Variants in CLSTN2 observed in about 807,000 individuals in gnomAD.
CLSTN2 encodes calsyntenin-2.
In CLSTN2, 48 loss-of-function variants were observed where a neutral mutation model predicts 101.2. The observed-to-expected ratio is 0.47, with a 90% CI of 0.38 to 0.60. CLSTN2 has a LOEUF of 0.60. Ranked by LOEUF, CLSTN2 falls within the 20% of genes least tolerant of loss-of-function variation. The pLI is 0.00. For synonymous variants in CLSTN2, 481 were observed against 463.6 expected, an observed-to-expected ratio of 1.04 and a Z score of -0.48; for missense variants, 1,160 against 1,238.2, an observed-to-expected ratio of 0.94 and a Z score of 0.95.
intron 1 of CLSTN2, among the ~76,000 whole-genome samples, chr3:140,129,878 T>C (rs1236774247): frequency 1.3e-5 from 2 of 152,164 alleles, no homozygotes; most frequent in Non-Finnish European, 2.9e-5. Context: ...CCTTGTCACA[T>C]GTCGGAAGAC....
intron 5 of CLSTN2, among the ~76,000 whole-genome samples, chr3:140,427,676 G>A (rs1420542643): frequency 6.6e-6 from 1 of 152,056 alleles, no homozygotes; most frequent in Non-Finnish European, 1.5e-5. Context: ...CCTCTAAACG[G>A]GCTGCTAGAT....
intron 1 of CLSTN2, among the ~76,000 whole-genome samples, chr3:140,106,976 G>A (rs114382725): frequency 0.027 from 4,125 of 152,282 alleles, 178 homozygotes; most frequent in African/African-American, 0.091. Flanking sequence ...CATTTAATTA[G>A]TGACATGACA....
intron 1 of CLSTN2, among the ~76,000 whole-genome samples, chr3:140,077,083 CAAATTCTCTCAATG>C (rs2008504930): frequency 6.6e-6 from 1 of 152,102 alleles, no homozygotes; most frequent in African/African-American, 2.4e-5. Context: ...TGAAGAAGGC[CAAATTCTCTCAATG>C]AAATGGAAAG....
intron 2 of CLSTN2, among the ~76,000 whole-genome samples, chr3:140,217,104 T>C (rs568836209): frequency 2.0e-5 from 3 of 152,260 alleles, no homozygotes; most frequent in Admixed American, 6.5e-5. Flanking sequence ...TTTTTTTAAC[T>C]CCCACATTCT....
At chr3:140,558,945 A>G in intron 12 of CLSTN2, 88 bp downstream of exon 12, 1 of 1,008,062 alleles carries the variant, frequency 9.9e-7, no homozygotes, top group Non-Finnish European at 1.5e-6. Flanking sequence ...AGCATTGTTC[A>G]TGTAATGTAT....
At position 140,071,374 on chromosome 3, in the gene CLSTN2, T is replaced by C. The variant is rs556075776; in HGVS notation, c.110-104577T>C. ...AAAAAAAAATCCTGTTCAATACCTT[T>C]ACTTTAGAGAAGCCAACAGAGACAT... On this transcript the variant is annotated intron_variant, in intron 1 of 16. Transcript: ENST00000458420. Among the ~76,000 whole-genome samples the C allele has an allele frequency of 3.9e-5, 6 of 152,288 alleles. No individual in the cohort carries two copies. The East Asian group carries it at 7.7e-4, about 20-fold the overall frequency.
intron 1 of CLSTN2, among the ~76,000 whole-genome samples, chr3:140,145,095 A>G (rs2009761541): frequency 6.6e-6 from 1 of 152,240 alleles, no homozygotes; most frequent in East Asian, 1.9e-4. Context: ...AAATCAGAGG[A>G]CATGTCTTAA....
At chr3:140,410,771 T>C (rs919791930) in intron 4 of CLSTN2, among the ~76,000 whole-genome samples, 1 of 152,162 alleles carries the variant, frequency 6.6e-6, no homozygotes, top group African/African-American at 2.4e-5. Flanking sequence ...ATGTACAATA[T>C]AAAAACATAA....
intron 1 of CLSTN2, among the ~76,000 whole-genome samples, chr3:140,040,908 T>C (rs747981279): frequency 3.3e-5 from 5 of 152,122 alleles, no homozygotes; most frequent in African/African-American, 1.2e-4. Context: ...CTGTCATTTC[T>C]GGCATGATGG....
Position 140,351,583 on chromosome 3 carries a change from G to A in CLSTN2, c.233-52046G>A, listed in dbSNP as rs1473638249. 5.3e-5 allele frequency among the ~76,000 whole-genome samples: 8 copies of A among 152,166 alleles called. No individual in the cohort carries two copies. The South Asian group carries it at 1.2e-3, about 24-fold the overall frequency. ...GTAGTAAATGTTTTAAACTCTGTGG[G>A]CCAAAAGGTCTCTATCACAACTACT... is the stretch of plus-strand genomic sequence containing the variant. On this transcript the variant is annotated intron_variant, in intron 2 of 16. Transcript: ENST00000458420.
intron 2 of CLSTN2, among the ~76,000 whole-genome samples, chr3:140,248,222 T>A (rs2086532647): frequency 1.3e-5 from 2 of 152,228 alleles, no homozygotes; most frequent in South Asian, 4.1e-4. Flanking sequence ...CACAGAATAA[T>A]AGGATATAGG....
intron 2 of CLSTN2, among the ~76,000 whole-genome samples, chr3:140,213,875 C>G (rs572119225): frequency 6.6e-6 from 1 of 152,148 alleles, no homozygotes; most frequent in East Asian, 1.9e-4. Flanking sequence ...CAGAAAAACA[C>G]CCAAGCTGAC....
chr3:140,244,729 C>T (rs1032167565), intron 2 of CLSTN2, among the ~76,000 whole-genome samples: 2 of 152,058 alleles, frequency 1.3e-5, no homozygotes, highest in Non-Finnish European at 2.9e-5. Flanking sequence ...AAACAGATTC[C>T]CTTTTTATTT....
At chr3:140,464,031 A>C (rs1450739322) in intron 7 of CLSTN2, among the ~76,000 whole-genome samples, 1 of 152,202 alleles carries the variant, frequency 6.6e-6, no homozygotes, top group Non-Finnish European at 1.5e-5. Context: ...CTATGTAAAG[A>C]TTTATAGCAG....
chr3:140,076,427 G>T (rs548031224), intron 1 of CLSTN2, among the ~76,000 whole-genome samples: 1 of 151,886 alleles, frequency 6.6e-6, no homozygotes, highest in East Asian at 1.9e-4. Context: ...CATTTTAGTC[G>T]CCACAAGAAG....
intron 1 of CLSTN2, among the ~76,000 whole-genome samples, chr3:140,060,623 C>T (rs1286613020): frequency 6.6e-6 from 1 of 152,136 alleles, no homozygotes; most frequent in African/African-American, 2.4e-5. Context: ...ATACCTGGCT[C>T]AGGGGAGGTG....
intron 1 of CLSTN2, among the ~76,000 whole-genome samples, chr3:140,146,848 C>T (rs985390851): frequency 2.0e-5 from 3 of 152,192 alleles, no homozygotes; most frequent in African/African-American, 7.2e-5. Context: ...AACAGGGTTG[C>T]CTGGGAACAC....
chr3:140,222,286 G>C (rs953668453), intron 2 of CLSTN2, among the ~76,000 whole-genome samples: 1 of 152,184 alleles, frequency 6.6e-6, no homozygotes, highest in African/African-American at 2.4e-5. Context: ...CATGGACATA[G>C]AGAGTAGAAG....
chr3:140,480,628 G>A (rs937567782), intron 8 of CLSTN2, among the ~76,000 whole-genome samples: 16 of 152,140 alleles, frequency 1.1e-4, no homozygotes, highest in Admixed American at 6.5e-5. Context: ...ACTTTTTAAT[G>A]ATCACCATTC....
Sources: gnomAD v4.1 joint callset for allele counts (sites outside exome capture counted in the v4.1 genomes callset) on GRCh38, gnomAD v4.1.1 for gene constraint, MANE v1.5 for transcripts, NCBI Gene and HGNC (gene_info 2026-07-23, HGNC 2026-07-21) for gene names.